Variants in RNF217 observed in about 807,000 individuals in gnomAD.
RNF217 encodes the protein ring finger protein 217.
In RNF217, 31 loss-of-function variants were observed where a neutral mutation model predicts 57.8. The ratio of observed to expected loss-of-function variants is 0.54; its 90% CI spans 0.40 to 0.72. The LOEUF (loss-of-function observed/expected upper bound fraction) is 0.72. RNF217 is among the 30% of genes least tolerant of loss of function. The pLI is 0.00. For synonymous variants in RNF217, 313 were observed against 294.0 expected (o/e 1.06, Z -0.66); for missense variants, 696 against 708.3 (o/e 0.98, Z 0.20).
intron 2 of RNF217, among the ~76,000 whole-genome samples, chr6:125,055,480 G>A (rs1787487704): frequency 6.6e-6 from 1 of 152,172 alleles, no homozygotes; most frequent in South Asian, 2.1e-4. Flanking sequence ...AAATGTGATA[G>A]TTCAGCACTT....
intron 3 of RNF217, among the ~76,000 whole-genome samples, chr6:125,072,677 A>C (rs1276538303): frequency 1.3e-5 from 2 of 152,218 alleles, no homozygotes; most frequent in Admixed American, 6.5e-5. Context: ...TTCTGTCAGG[A>C]AAAGTGATGC....
chr6:125,077,526 T>C (rs1788423675), intron 4 of RNF217, among the ~76,000 whole-genome samples: 1 of 152,114 alleles, frequency 6.6e-6, no homozygotes, highest in Admixed American at 6.6e-5. Flanking sequence ...CCCACACTGG[T>C]ACACAAGTAT....
intron 3 of RNF217, among the ~76,000 whole-genome samples, chr6:125,067,001 A>G (rs35878634): frequency 0.43 from 65,608 of 151,742 alleles, 14,653 homozygotes; most frequent in Middle Eastern, 0.52. Context: ...TTGCAGGAGT[A>G]TTATACGAGG....
At chr6:125,018,986 G>C (rs984592530) in intron 1 of RNF217, among the ~76,000 whole-genome samples, 1 of 152,142 alleles carries the variant, frequency 6.6e-6, no homozygotes, top group African/African-American at 2.4e-5. Flanking sequence ...TAAAACTTGA[G>C]GATTCTTCTC....
At chr6:124,975,198 G>A (rs190246878) in intron 1 of RNF217, among the ~76,000 whole-genome samples, 1 of 152,124 alleles carries the variant, frequency 6.6e-6, no homozygotes, top group South Asian at 2.1e-4. Flanking sequence ...TGAAACTCAT[G>A]AGCTCTGAGT....
At chr6:125,040,650 A>G (rs545807595) in intron 1 of RNF217, among the ~76,000 whole-genome samples, 12 of 152,310 alleles carry the variant, frequency 7.9e-5, no homozygotes, top group African/African-American at 2.9e-4. Context: ...AGAAAACTTC[A>G]GGCCAAAATC....
chr6:125,042,060 A>G (rs1462520027), intron 1 of RNF217, among the ~76,000 whole-genome samples: 1 of 152,168 alleles, frequency 6.6e-6, no homozygotes, highest in African/African-American at 2.4e-5. Context: ...GAAAAACTGT[A>G]CTTCACTTAA....
chr6:125,083,538 C>T lies in RNF217; in HGVS notation c.*601C>T, dbSNP rs1337736149. On this transcript the variant is annotated 3_prime_UTR_variant, in exon 6 of 6. Coordinates refer to ENST00000521654, the MANE Select transcript of RNF217 (RefSeq NM_001286398.3). ...ATATTAAGTTACTGAAGTGTATATG[C>T]GTAGGGGCGTGAATGTGTGTGTATA... The T allele has an allele frequency of 2.0e-5, 3 of 151,986 alleles. No homozygotes were observed. Among genetic ancestry groups the T allele is most frequent in the Non-Finnish European group, 4.4e-5 (3 of 67,994 alleles). 9.4% of individuals were successfully genotyped at this position (151,986 alleles called of 1,614,324 possible).
At chr6:125,067,035 C>G (rs1787959888) in intron 3 of RNF217, among the ~76,000 whole-genome samples, 1 of 152,078 alleles carries the variant, frequency 6.6e-6, no homozygotes, top group South Asian at 2.1e-4. Context: ...GGACTCAACA[C>G]CATCTTGAGG....
intron 1 of RNF217, among the ~76,000 whole-genome samples, chr6:125,035,931 T>C (rs1488670941): frequency 1.3e-5 from 2 of 151,836 alleles, no homozygotes; most frequent in African/African-American, 4.9e-5. Flanking sequence ...TATTATATTT[T>C]AAGTTCTGGG....
chr6:124,979,705 A>T (rs568465338), intron 1 of RNF217, among the ~76,000 whole-genome samples: 29 of 152,368 alleles, frequency 1.9e-4, no homozygotes, highest in African/African-American at 6.7e-4. Flanking sequence ...CTTTATTTCA[A>T]CTATGATGGT....
chr6:125,045,213 A>G lies in RNF217; in HGVS notation c.885A>G (p.Val295=). 4 of 1,608,992 alleles carry G rather than the reference A, an allele frequency of 2.5e-6. No individual in the cohort carries two copies. The highest frequency in any genetic ancestry group is 3.4e-6 in the Non-Finnish European group (4 of 1,176,414). Residue 295 remains valine, a splice_region_variant and synonymous_variant, in exon 2 of 6, where the codon GTA becomes GTG. Coordinates refer to ENST00000521654, the MANE Select transcript of RNF217 (RefSeq NM_001286398.3). ...ECLKVYLSAQ[V]QLGQVEIKCP... is the part of the protein sequence containing the mutation. Reference sequence around the variant, plus strand: ...CCATCTGCTCTTCCATCATGCAGGTACAACTTGGCCAAGTAGAAATCAAAT... The same window carrying G: ...CCATCTGCTCTTCCATCATGCAGGTGCAACTTGGCCAAGTAGAAATCAAAT...
intron 1 of RNF217, among the ~76,000 whole-genome samples, chr6:125,005,098 G>A (rs1244183887): frequency 6.6e-6 from 1 of 152,098 alleles, no homozygotes; most frequent in African/African-American, 2.4e-5. Context: ...CTGTTCATGA[G>A]GGCATAACCC....
chr6:125,075,543 C>T (rs905714558), intron 3 of RNF217, among the ~76,000 whole-genome samples: 12 of 152,058 alleles, frequency 7.9e-5, no homozygotes, highest in African/African-American at 2.9e-4. Context: ...GAGACTCACT[C>T]ATTATCACAA....
Position 125,089,399 on chromosome 6 carries a change from C to T in RNF217, c.*6462C>T, listed in dbSNP as rs1054952342. The T allele has an allele frequency of 1.6e-4, 24 of 152,168 alleles. No individual in the cohort carries two copies. The highest frequency in any genetic ancestry group is 4.6e-4 in the Admixed American group (7 of 15,272). 9.4% of individuals were successfully genotyped at this position (152,168 alleles called of 1,614,324 possible). A position where few individuals can be genotyped will look rare whatever the true frequency, so the allele number is the denominator to read the frequency against. ...GTTTATGGTCTTTGTTTCAGCAAAACGTCCTACAGCTTGGACTTGGGGTGG... is the reference window on the plus strand; with the variant it reads ...GTTTATGGTCTTTGTTTCAGCAAAATGTCCTACAGCTTGGACTTGGGGTGG... On this transcript the variant is annotated 3_prime_UTR_variant, in exon 6 of 6. Transcript: ENST00000521654.
rs532303048 is a variant in RNF217 at position 125,006,820 on chromosome 6, G to T, written c.883-38391G>T. On this transcript the variant is annotated intron_variant, in intron 1 of 5. Coordinates refer to ENST00000521654, the MANE Select transcript of RNF217 (RefSeq NM_001286398.3). ...AAAAATTAGCCGGGTGTGGTGGTGC[G>T]TGCCTGTAATCCCAACTACTCGGGA... Among the ~76,000 whole-genome samples the T allele has an allele frequency of 2.0e-5, 3 of 152,200 alleles. No homozygotes were observed. In the East Asian group the frequency reaches 5.8e-4, roughly 29 times the overall value.
At chr6:125,006,905 C>T (rs1196364970) in intron 1 of RNF217, among the ~76,000 whole-genome samples, 5 of 152,214 alleles carry the variant, frequency 3.3e-5, no homozygotes, top group South Asian at 2.1e-4. Flanking sequence ...GCCGAGATCG[C>T]GCCATTGCGC....
chr6:125,092,234 G>A lies in RNF217; in HGVS notation c.*9297G>A, dbSNP rs1788975781. On this transcript the variant is annotated 3_prime_UTR_variant, in exon 6 of 6. Coordinates refer to ENST00000521654, the MANE Select transcript of RNF217 (RefSeq NM_001286398.3). ...ACTGTTCCTTCTCAGTAAGTACAGT[G>A]TCACATGCTGCTGGCGGTAAAAGCA... 1 of 152,082 alleles carries A rather than the reference G, an allele frequency of 6.6e-6. No individual in the cohort carries two copies. Among genetic ancestry groups the A allele is most frequent in the African/African-American group, 2.4e-5 (1 of 41,410 alleles). The allele number at this position is 152,082 out of a possible 1,614,324, so 9.4% of individuals were successfully genotyped here. A position where few individuals can be genotyped will look rare whatever the true frequency, so the allele number is the denominator to read the frequency against.
intron 2 of RNF217, chr6:125,048,169 A>G (rs1333511176): frequency 1.1e-5 from 15 of 1,336,186 alleles, no homozygotes; most frequent in Non-Finnish European, 1.5e-5. Flanking sequence ...GAGCACTGAC[A>G]TGGATACCCC....
Sources: allele counts gnomAD v4.1 joint callset (sites outside exome capture counted in the v4.1 genomes callset), GRCh38; gene constraint gnomAD v4.1.1; transcripts MANE v1.5; gene names NCBI Gene and HGNC (gene_info 2026-07-23, HGNC 2026-07-21).